PARD3B: variants seen among roughly 807,000 people sequenced by gnomAD.
PARD3B encodes par-3 family cell polarity regulator beta.
Under a neutral mutation model 130.2 loss-of-function variants are expected in PARD3B, and 103 were observed. The observed-to-expected ratio is 0.79, with a 90% CI of 0.67 to 0.93. The LOEUF (loss-of-function observed/expected upper bound fraction) is 0.93. PARD3B is among the 40% of genes least tolerant of loss of function. PARD3B has a pLI of 0.00. For synonymous variants in PARD3B, 583 were observed against 553.2 expected, an observed-to-expected ratio of 1.05 and a Z score of -0.76; for missense variants, 1,609 against 1,499.2, an observed-to-expected ratio of 1.07 and a Z score of -1.21.
chr2:205,429,820 A>C (rs1164792672), intron 19 of PARD3B, among the ~76,000 whole-genome samples: 1 of 152,158 alleles, frequency 6.6e-6, no homozygotes, highest in Non-Finnish European at 1.5e-5. Flanking sequence ...GTCTGAAATC[A>C]AGGTGTCAGC....
rs537070331 is a variant in PARD3B at position 205,351,659 on chromosome 2, G to A, written c.2631-49354G>A. On this transcript the variant is annotated intron_variant, in intron 18 of 22. Coordinates refer to ENST00000406610, the MANE Select transcript of PARD3B (RefSeq NM_001302769.2). This position sits in a 1 kb window ranked among gnomAD's most constrained non-coding sequence, Gnocchi z 4.2. ...GGAGCCACTGCCTTGGAAATTGGAG[G>A]CAGTTATTTCATTTCCGGTGATGTT... Among the ~76,000 whole-genome samples, 1 of 152,288 alleles carries A rather than the reference G, an allele frequency of 6.6e-6. No homozygotes were observed. The highest frequency in any genetic ancestry group is 2.1e-4 in the South Asian group (1 of 4,818).
intron 3 of PARD3B, among the ~76,000 whole-genome samples, chr2:205,002,163 G>GA (rs1360214619): frequency 6.6e-6 from 1 of 152,206 alleles, no homozygotes; most frequent in South Asian, 2.1e-4. Context: ...TTTATAGGGT[G>GA]ACAGTGTATG....
intron 4 of PARD3B, among the ~76,000 whole-genome samples, chr2:205,098,716 G>T (rs1000900038): frequency 6.6e-6 from 1 of 152,074 alleles, no homozygotes; most frequent in East Asian, 1.9e-4. Context: ...TGGAGAGACC[G>T]TTGCCCCTCT....
intron 18 of PARD3B, among the ~76,000 whole-genome samples, chr2:205,380,443 G>GAATATATATTATATATTATATA (rs2045309254): frequency 2.9e-5 from 1 of 34,454 alleles, no homozygotes; most frequent in Non-Finnish European, 4.8e-5. Flanking sequence ...ATTATATAAA[G>GAATATATATTATATATTATATA]AATACATATA....
intron 1 of PARD3B, among the ~76,000 whole-genome samples, chr2:204,662,758 G>C (rs972725065): frequency 2.6e-5 from 4 of 151,948 alleles, no homozygotes; most frequent in Non-Finnish European, 5.9e-5. Context: ...CATATAGTTG[G>C]GTGCCTCTGC....
At chr2:205,254,895 A>G (rs1027510942) in intron 16 of PARD3B, among the ~76,000 whole-genome samples, 1 of 149,354 alleles carries the variant, frequency 6.7e-6, no homozygotes, top group Admixed American at 6.6e-5. Context: ...CGATCTCCTG[A>G]CCTCGTGATC....
intron 1 of PARD3B, among the ~76,000 whole-genome samples, chr2:204,648,399 T>TTGA (rs533435782): frequency 2.0e-5 from 3 of 150,560 alleles, no homozygotes; most frequent in Admixed American, 6.7e-5. Flanking sequence ...ACATTTCAGT[T>TTGA]GTTTCCAGTT....
At chr2:205,136,877 A>C (rs2032532674) in intron 10 of PARD3B, among the ~76,000 whole-genome samples, 1 of 152,192 alleles carries the variant, frequency 6.6e-6, no homozygotes. Context: ...AGATGACAGG[A>C]ATCAATTGTT....
intron 18 of PARD3B, among the ~76,000 whole-genome samples, chr2:205,303,644 C>T (rs1484056461): frequency 6.6e-6 from 1 of 152,192 alleles, no homozygotes; most frequent in East Asian, 1.9e-4. Context: ...CTTCAGACTT[C>T]TCCAGCACAT....
intron 20 of PARD3B, among the ~76,000 whole-genome samples, chr2:205,489,778 G>A (rs1461556370): frequency 6.6e-6 from 1 of 151,906 alleles, no homozygotes; most frequent in Non-Finnish European, 1.5e-5. Context: ...AATAATAACT[G>A]GCATGTTGTT....
At chr2:205,119,181 T>A in intron 7 of PARD3B, 135 bp downstream of exon 7, 2 of 1,203,720 alleles carry the variant, frequency 1.7e-6, no homozygotes, top group South Asian at 4.3e-5. Context: ...ATATCCATTT[T>A]CGAATGCTTC....
intron 3 of PARD3B, among the ~76,000 whole-genome samples, chr2:205,000,222 T>A (rs2125277339): frequency 6.6e-6 from 1 of 152,292 alleles, no homozygotes; most frequent in Non-Finnish European, 1.5e-5. Context: ...TTTCCTATGG[T>A]AATGGGTGCA....
At chr2:205,340,489 A>G (rs563297433) in intron 18 of PARD3B, among the ~76,000 whole-genome samples, 2 of 152,204 alleles carry the variant, frequency 1.3e-5, no homozygotes, top group East Asian at 3.9e-4. Flanking sequence ...GCATCAATAT[A>G]CATTCAGGAA....
intron 2 of PARD3B, among the ~76,000 whole-genome samples, chr2:204,719,921 G>A (rs1443333662): frequency 6.6e-6 from 1 of 152,140 alleles, no homozygotes; most frequent in African/African-American, 2.4e-5. Context: ...CAGGAAGAAT[G>A]TATCCATTCA....
chr2:204,837,499 C>A (rs1347317611), intron 2 of PARD3B, among the ~76,000 whole-genome samples: 1 of 150,862 alleles, frequency 6.6e-6, no homozygotes, highest in African/African-American at 2.4e-5. Flanking sequence ...TGGCTCACTG[C>A]AACCTCCTCC....
chr2:205,055,353 A>G (rs1699565645), intron 4 of PARD3B, among the ~76,000 whole-genome samples: 1 of 152,188 alleles, frequency 6.6e-6, no homozygotes, highest in Admixed American at 6.6e-5. Context: ...GGAAGAAAAT[A>G]AAAATACTTC....
At chr2:205,368,061 C>T (rs10179357) in intron 18 of PARD3B, among the ~76,000 whole-genome samples, 1 of 151,958 alleles carries the variant, frequency 6.6e-6, no homozygotes, top group Non-Finnish European at 1.5e-5. Context: ...AAGGGTGATA[C>T]GTCTGTGTGA....
chr2:205,089,030 T>C lies in PARD3B; in HGVS notation c.505-15396T>C, dbSNP rs112652347. 5.1e-3 allele frequency among the ~76,000 whole-genome samples: 770 copies of C among 152,166 alleles called. 18 individuals carry two copies. In the South Asian group the frequency reaches 0.057, roughly 11 times the overall value. On this transcript the variant is annotated intron_variant, in intron 4 of 22. Coordinates refer to ENST00000406610, the MANE Select transcript of PARD3B (RefSeq NM_001302769.2). Reference sequence around the variant, plus strand: ...GTTGGCCAGGATGGTGTCAGTCTCTTGGCCTCGTGATCCACCTGCCTTGGC... The same window carrying C: ...GTTGGCCAGGATGGTGTCAGTCTCTCGGCCTCGTGATCCACCTGCCTTGGC...
chr2:204,817,919 T>G (rs1371785914), intron 2 of PARD3B, among the ~76,000 whole-genome samples: 1 of 151,852 alleles, frequency 6.6e-6, no homozygotes, highest in Non-Finnish European at 1.5e-5. Flanking sequence ...TGGAAAAAAC[T>G]TTTTTTCAGG....
Sources: gnomAD v4.1 joint callset for allele counts (sites outside exome capture counted in the v4.1 genomes callset) on GRCh38, gnomAD v4.1.1 for gene constraint, Gnocchi (gnomAD v3.1) non-coding constraint, MANE v1.5 for transcripts, NCBI Gene and HGNC (gene_info 2026-07-23, HGNC 2026-07-21) for gene names.